PAX3: variants seen among roughly 807,000 people sequenced by gnomAD.
PAX3 encodes paired box protein Pax-3.
In PAX3, 14 loss-of-function variants were observed where a neutral mutation model predicts 51.6. The ratio of observed to expected loss-of-function variants is 0.27; its 90% CI spans 0.18 to 0.42. PAX3 has a LOEUF of 0.42. PAX3 is among the 10% of genes least tolerant of loss of function. PAX3 has a pLI of 1.00. For missense variants in PAX3, 540 were observed against 642.8 expected (o/e 0.84, Z 1.73); for synonymous variants, 280 against 253.4 (o/e 1.11, Z -1.00).
intron 7 of PAX3, among the ~76,000 whole-genome samples, chr2:222,219,826 T>TG (rs762389419): frequency 7.2e-5 from 11 of 152,188 alleles, no homozygotes; most frequent in Non-Finnish European, 5.9e-5. Flanking sequence ...TGCCACTGTT[T>TG]GCAAGCTTCT....
chr2:222,278,578 T>C (rs570662231), intron 4 of PAX3, among the ~76,000 whole-genome samples: 1 of 152,336 alleles, frequency 6.6e-6, no homozygotes, highest in Non-Finnish European at 1.5e-5. Context: ...TCCCTGGCAC[T>C]GAGGAAGTGT....
chr2:222,290,178 T>C (rs1452679350), intron 4 of PAX3, among the ~76,000 whole-genome samples: 1 of 152,212 alleles, frequency 6.6e-6, no homozygotes, highest in Non-Finnish European at 1.5e-5. Context: ...ATGATTTCAC[T>C]GGAAATAAAA....
intron 4 of PAX3, chr2:222,262,637 CAAAT>C (rs1469294603): frequency 2.7e-5 from 4 of 150,770 alleles, no homozygotes; most frequent in Admixed American, 1.3e-4. Context: ...AACTAATTAA[CAAAT>C]TTATGTGGAC....
chr2:222,224,758 G>C (rs1051905270), intron 5 of PAX3, among the ~76,000 whole-genome samples: 4 of 152,102 alleles, frequency 2.6e-5, no homozygotes, highest in African/African-American at 9.7e-5. Flanking sequence ...TGAATAATCT[G>C]CAGAATGGCA....
intron 5 of PAX3, among the ~76,000 whole-genome samples, chr2:222,228,508 T>C (rs1368692366): frequency 1.3e-5 from 2 of 152,192 alleles, no homozygotes; most frequent in African/African-American, 4.8e-5. Flanking sequence ...TCCTTAGTTT[T>C]GACAAAGGCA....
chr2:222,276,509 C>G (rs541182789), intron 4 of PAX3, among the ~76,000 whole-genome samples: 61 of 152,324 alleles, frequency 4.0e-4, no homozygotes, highest in African/African-American at 1.4e-3. Flanking sequence ...CCTCAAGCGG[C>G]TGCCTGTACC....
intron 4 of PAX3, among the ~76,000 whole-genome samples, chr2:222,274,723 A>C (rs1694361164): frequency 6.6e-6 from 1 of 152,074 alleles, no homozygotes; most frequent in Non-Finnish European, 1.5e-5. Context: ...GAAAACATGG[A>C]AAAAAAATAA....
chr2:222,284,108 C>T (rs1694742836), intron 4 of PAX3, among the ~76,000 whole-genome samples: 1 of 152,100 alleles, frequency 6.6e-6, no homozygotes. Flanking sequence ...TTCTTAGCTC[C>T]AGTTTTAAAG....
At chr2:222,218,836 G>A (rs1010299657) in intron 7 of PAX3, among the ~76,000 whole-genome samples, 1 of 152,084 alleles carries the variant, frequency 6.6e-6, no homozygotes, top group African/African-American at 2.4e-5. Context: ...TGTGCTATAG[G>A]AATCTATGAA....
At chr2:222,286,354 A>T (rs1233207747) in intron 4 of PAX3, among the ~76,000 whole-genome samples, 1 of 152,262 alleles carries the variant, frequency 6.6e-6, no homozygotes, top group East Asian at 1.9e-4. Flanking sequence ...AAATATGGCC[A>T]AATAAAAGTA....
At chr2:222,240,818 G>T (rs1386146437) in intron 4 of PAX3, among the ~76,000 whole-genome samples, 4 of 152,086 alleles carry the variant, frequency 2.6e-5, no homozygotes. Flanking sequence ...GAATGACATC[G>T]CCCTTTCCTA....
intron 4 of PAX3, among the ~76,000 whole-genome samples, chr2:222,293,318 C>T (rs1695114697): frequency 6.6e-6 from 1 of 152,168 alleles, no homozygotes; most frequent in South Asian, 2.1e-4. Context: ...TGATCCTTTC[C>T]TGGTTCAGCA....
At position 222,221,227 on chromosome 2, in the gene PAX3, G is replaced by T. The variant is rs1191289484; in HGVS notation, c.953C>A (p.Pro318Gln). 6.2e-7 allele frequency: 1 copy of T among 1,613,922 alleles called. No individual in the cohort carries two copies. The highest frequency in any genetic ancestry group is 1.3e-5 in the African/African-American group (1 of 75,002). Residue 318 changes from proline (P) to glutamine (Q), a missense_variant, in exon 6 of 9, where the codon CCA becomes CAA. Coordinates refer to ENST00000392070, the MANE Select transcript of PAX3 (RefSeq NM_181458.4). ...CCTTGACTCTTCCTCGGTACCTTGT[G>T]GAATAGATGTGGGCTGGTAAGAGGT... ...SETSYQPTSI[P>Q]QAVSDPSSTV...
In PAX3 at chr2:222,265,692, G is replaced by GGAAGGAAGGAAGGAAGGAAGGAAGGA. The variant is rs1559296349; in HGVS notation, c.586+28474_586+28475insTCCTTCCTTCCTTCCTTCCTTCCTTC. 1.1e-3 allele frequency among the ~76,000 whole-genome samples: 29 copies of GGAAGGAAGGAAGGAAGGAAGGAAGGA among 26,958 alleles called. 1 individual carries two copies. The highest frequency in any genetic ancestry group is 3.0e-3 in the African/African-American group (29 of 9,826). 17.7% of individuals were successfully genotyped at this position (26,958 alleles called of 152,430 possible). Reference sequence around the variant, plus strand: ...GAAGGAAGGAAGGAAGGAAGGAAGGGAGAAAGATTGATTTTGATTTTTCCT... The same window carrying GGAAGGAAGGAAGGAAGGAAGGAAGGA: ...GAAGGAAGGAAGGAAGGAAGGAAGGGGAAGGAAGGAAGGAAGGAAGGAAGGAAGAAAGATTGATTTTGATTTTTCCT... On this transcript the variant is annotated intron_variant, in intron 4 of 8. Coordinates refer to ENST00000392070, the MANE Select transcript of PAX3 (RefSeq NM_181458.4).
intron 1 of PAX3, 167 bp downstream of exon 1, chr2:222,298,364 A>G: frequency 1.6e-6 from 1 of 626,022 alleles, no homozygotes; most frequent in South Asian, 1.9e-5. Flanking sequence ...ATTTGCAGAA[A>G]GGAAATCGAG....
intron 3 of PAX3, among the ~76,000 whole-genome samples, chr2:222,295,315 G>A (rs1695236008): frequency 1.3e-5 from 2 of 152,194 alleles, no homozygotes; most frequent in African/African-American, 4.8e-5. Flanking sequence ...GTCCTCAGCG[G>A]TGGTCTCGCC....
intron 4 of PAX3, 143 bp downstream of exon 4, chr2:222,294,024 T>C: frequency 6.4e-7 from 1 of 1,552,472 alleles, no homozygotes; most frequent in Admixed American, 1.9e-5. Context: ...TTCAGTTCCA[T>C]GTCGTTACTC....
chr2:222,229,620 A>G (rs1692511812), intron 5 of PAX3, among the ~76,000 whole-genome samples: 1 of 152,150 alleles, frequency 6.6e-6, no homozygotes, highest in Non-Finnish European at 1.5e-5. Flanking sequence ...ATCAAATGTG[A>G]GCTCACTGGC....
intron 4 of PAX3, among the ~76,000 whole-genome samples, chr2:222,284,176 G>T (rs1315077213): frequency 6.6e-6 from 1 of 152,208 alleles, no homozygotes; most frequent in Non-Finnish European, 1.5e-5. Context: ...AACCTCACGT[G>T]CAGAGCTATA....
Sources: gnomAD v4.1 joint callset for allele counts (sites outside exome capture counted in the v4.1 genomes callset) on GRCh38, gnomAD v4.1.1 for gene constraint, MANE v1.5 for transcripts, NCBI Gene and HGNC (gene_info 2026-07-23, HGNC 2026-07-21) for gene names.